The following CCDC66 variants were observed in gnomAD, a reference collection of about 807,000 sequenced individuals.
CCDC66 encodes the protein coiled-coil domain containing 66.
Under a neutral mutation model 128.3 loss-of-function variants are expected in CCDC66, and 133 were observed. That is an observed-to-expected ratio of 1.04 (90% confidence interval 0.90 to 1.20). CCDC66 has a LOEUF of 1.20. Ranked by LOEUF, CCDC66 falls within the 50% of genes most tolerant of loss-of-function variation. CCDC66 has a pLI of 0.00. For synonymous variants in CCDC66, 387 were observed against 357.0 expected (o/e 1.08, Z -0.95); for missense variants, 1,126 against 1,075.5 (o/e 1.05, Z -0.66).
At chr3:56,619,968 T>G in intron 17 of CCDC66, 67 bp downstream of exon 17, 4 of 1,530,012 alleles carry the variant, frequency 2.6e-6, no homozygotes, top group Non-Finnish European at 3.5e-6. Context: ...GGGAACCTGT[T>G]GAACGGTTTG....
chr3:56,558,471 G>A (rs540643444), intron 1 of CCDC66, among the ~76,000 whole-genome samples: 2 of 152,148 alleles, frequency 1.3e-5, no homozygotes, highest in Non-Finnish European at 1.5e-5. Flanking sequence ...TTAGTCATGA[G>A]TTCATTATGA....
At chr3:56,594,625 G>A (rs2071539605) in intron 10 of CCDC66, among the ~76,000 whole-genome samples, 2 of 151,798 alleles carry the variant, frequency 1.3e-5, no homozygotes, top group South Asian at 4.1e-4. Context: ...AGAGCTTGCA[G>A]TGAGCTGAGA....
At chr3:56,605,791 C>T (rs1327733044) in intron 10 of CCDC66, among the ~76,000 whole-genome samples, 1 of 152,040 alleles carries the variant, frequency 6.6e-6, no homozygotes, top group South Asian at 2.1e-4. Context: ...TAGTAGAGCT[C>T]GAATGCTGTG....
intron 7 of CCDC66, among the ~76,000 whole-genome samples, chr3:56,576,797 A>T (rs567709625): frequency 1.3e-5 from 2 of 151,168 alleles, no homozygotes; most frequent in South Asian, 4.2e-4. Flanking sequence ...TCCATGGTGT[A>T]TGTGTATTAA....
chr3:56,604,907 A>G (rs1042962636), intron 10 of CCDC66, among the ~76,000 whole-genome samples: 3 of 151,766 alleles, frequency 2.0e-5, no homozygotes, highest in Non-Finnish European at 4.4e-5. Flanking sequence ...CAGGTACACT[A>G]ATCAAACGTA....
At chr3:56,558,702 A>G in intron 1 of CCDC66, 144 bp from the exon 2 acceptor site, 1 of 696,054 alleles carries the variant, frequency 1.4e-6, no homozygotes, top group Non-Finnish European at 2.5e-6. Flanking sequence ...AACGTTTTTA[A>G]TTAAAACACT....
chr3:56,561,096 T>G, intron 3 of CCDC66: 3 of 421,864 alleles, frequency 7.1e-6, no homozygotes, highest in Non-Finnish European at 1.4e-5. Flanking sequence ...CCATGTATGC[T>G]CCCCAATCAC....
At chr3:56,606,266 C>T (rs1382355940) in intron 10 of CCDC66, among the ~76,000 whole-genome samples, 1 of 152,060 alleles carries the variant, frequency 6.6e-6, no homozygotes, top group Non-Finnish European at 1.5e-5. Flanking sequence ...GCTTCCGCCC[C>T]CTTTCCAGGA....
intron 10 of CCDC66, among the ~76,000 whole-genome samples, chr3:56,603,218 G>A (rs1340315366): frequency 3.3e-5 from 5 of 151,856 alleles, no homozygotes; most frequent in Non-Finnish European, 5.9e-5. Flanking sequence ...CTATTTTGTT[G>A]ATCTTTTCAA....
Position 56,564,001 on chromosome 3 carries a change from C to G in CCDC66, c.420C>G (p.Ile140Met). ...AACAGAAGCCTCACAAAAAACACATCACAGCTGAAAACATGAAGAGCAGTT... is the reference window on the plus strand; with the variant it reads ...AACAGAAGCCTCACAAAAAACACATGACAGCTGAAAACATGAAGAGCAGTT... ...VGKQKPHKKH[I>M]TAENMKSSLV... Residue 140 changes from isoleucine (I) to methionine (M), a missense_variant, in exon 4 of 18, where the codon ATC becomes ATG. Physicochemically the swap from Ile to Met is conservative, Grantham distance 10. Transcript: ENST00000394672. 1 of 1,613,962 alleles carries G rather than the reference C, an allele frequency of 6.2e-7. No individual in the cohort carries two copies. Among genetic ancestry groups the G allele is most frequent in the African/African-American group, 1.3e-5 (1 of 75,030 alleles).
rs2107400722 is a variant in CCDC66 at position 56,617,406 on chromosome 3, T to G, written c.2138T>G (p.Ile713Ser). ...ATAAATAAGCCACCTAAAAGGTATA[T>G]TCCAGCATCAGAAAAGTACCCTAAA... ...WNINKPPKRYIPASEKYPKQL... is the reference protein window; with the variant it reads ...WNINKPPKRYSPASEKYPKQL... The change falls in exon 14 of 18, where the codon ATT becomes AGT. Residue 713 changes from isoleucine to serine, a missense_variant. Coordinates refer to ENST00000394672, the MANE Select transcript of CCDC66 (RefSeq NM_001141947.3). 1.2e-6 allele frequency: 2 copies of G among 1,614,024 alleles called. No individual in the cohort carries two copies. Among genetic ancestry groups the G allele is most frequent in the East Asian group, 4.5e-5 (2 of 44,860 alleles).
chr3:56,583,730 T>G (rs1403443791), intron 7 of CCDC66, among the ~76,000 whole-genome samples: 1 of 151,864 alleles, frequency 6.6e-6, no homozygotes, highest in Admixed American at 6.6e-5. Context: ...ATCTGATATC[T>G]CTATCTTTTC....
intron 4 of CCDC66, among the ~76,000 whole-genome samples, chr3:56,566,311 G>A (rs1185401033): frequency 6.6e-6 from 1 of 152,088 alleles, no homozygotes; most frequent in Non-Finnish European, 1.5e-5. Context: ...TTTTTGTAGA[G>A]ACGAGGTTTT....
intron 7 of CCDC66, among the ~76,000 whole-genome samples, chr3:56,575,270 A>G (rs1000776396): frequency 6.6e-6 from 1 of 151,780 alleles, no homozygotes; most frequent in African/African-American, 2.4e-5. Flanking sequence ...TTTCTGATTT[A>G]TTGACAGTAT....
chr3:56,565,940 A>G (rs1323633346), intron 4 of CCDC66, among the ~76,000 whole-genome samples: 1 of 152,238 alleles, frequency 6.6e-6, no homozygotes, highest in Non-Finnish European at 1.5e-5. Flanking sequence ...TGCTGGGATT[A>G]CAGGCGTGAG....
At chr3:56,578,709 C>T (rs771130210) in intron 7 of CCDC66, among the ~76,000 whole-genome samples, 13 of 151,828 alleles carry the variant, frequency 8.6e-5, no homozygotes, top group Non-Finnish European at 1.6e-4. Flanking sequence ...GAATAGATTA[C>T]GTTTATTGAT....
chr3:56,580,004 TG>T (rs2068058516), intron 7 of CCDC66, among the ~76,000 whole-genome samples: 1 of 151,908 alleles, frequency 6.6e-6, no homozygotes, highest in South Asian at 2.1e-4. Flanking sequence ...ATGTTGACAG[TG>T]GGGTGTTAAA....
At position 56,615,154 on chromosome 3, in the gene CCDC66, G is replaced by T; in HGVS notation, c.1593G>T (p.Glu531Asp). ...KEEIMTLKTN[E>D]LFQTMQRAQE... is the part of the protein sequence containing the mutation. Reference sequence around the variant, plus strand: ...AAATCATGACTCTCAAGACAAATGAGCTATTCCAGACAATGCAGCGAGCAC... The same window carrying T: ...AAATCATGACTCTCAAGACAAATGATCTATTCCAGACAATGCAGCGAGCAC... Residue 531 changes from glutamate to aspartate, a missense_variant, in exon 12 of 18, where the codon GAG becomes GAT. Glu to Asp is a conservative substitution (Grantham distance 45). Coordinates refer to ENST00000394672, the MANE Select transcript of CCDC66 (RefSeq NM_001141947.3). The T allele has an allele frequency of 6.2e-7, 1 of 1,613,782 alleles. No individual in the cohort carries two copies. Among genetic ancestry groups the T allele is most frequent in the Non-Finnish European group, 8.5e-7 (1 of 1,179,918 alleles).
chr3:56,610,163 T>C (rs543484521), intron 10 of CCDC66, among the ~76,000 whole-genome samples: 2 of 152,330 alleles, frequency 1.3e-5, no homozygotes. Flanking sequence ...TTCCCCTAAA[T>C]ATGTTTTGCA....
Sources: gnomAD v4.1 joint callset for allele counts (sites outside exome capture counted in the v4.1 genomes callset) on GRCh38, gnomAD v4.1.1 for gene constraint, MANE v1.5 for transcripts, NCBI Gene and HGNC (gene_info 2026-07-23, HGNC 2026-07-21) for gene names.